Variants in ARMC2 observed in about 807,000 individuals in gnomAD.
ARMC2 encodes the protein armadillo repeat containing 2.
In ARMC2, 67 loss-of-function variants were observed where a neutral mutation model predicts 90.3. The ratio of observed to expected loss-of-function variants is 0.74; its 90% CI spans 0.61 to 0.91. The LOEUF (loss-of-function observed/expected upper bound fraction) is 0.91. ARMC2 is among the 40% of genes least tolerant of loss of function. The pLI is 0.00. For missense variants in ARMC2, 920 were observed against 1,030.9 expected (o/e 0.89, Z 1.47); for synonymous variants, 393 against 393.0 (o/e 1.00, Z 0.00).
intron 10 of ARMC2, among the ~76,000 whole-genome samples, chr6:108,923,531 G>A (rs568658610): frequency 2.6e-5 from 4 of 151,230 alleles, no homozygotes; most frequent in African/African-American, 9.7e-5. Flanking sequence ...GAATTCAAAA[G>A]TAGGAGCAAA....
chr6:108,941,705 G>C (rs1324302452), intron 12 of ARMC2, among the ~76,000 whole-genome samples: 2 of 152,094 alleles, frequency 1.3e-5, no homozygotes, highest in Non-Finnish European at 2.9e-5. Flanking sequence ...GTAAATTCCC[G>C]GTTCTTCAGT....
intron 5 of ARMC2, among the ~76,000 whole-genome samples, chr6:108,889,335 G>A (rs188107960): frequency 4.0e-5 from 6 of 151,612 alleles, no homozygotes; most frequent in Admixed American, 3.9e-4. Context: ...TAGTAGAGAT[G>A]GAGTTTCACC....
intron 5 of ARMC2, 104 bp downstream of exon 5, chr6:108,876,454 T>A: frequency 8.4e-7 from 1 of 1,186,130 alleles, no homozygotes. Flanking sequence ...CTCTTTTATG[T>A]AAGCAAATTT....
the ARMC2 span, among the ~76,000 whole-genome samples, chr6:109,021,684 C>T: frequency 2.6e-5 from 4 of 152,128 alleles, no homozygotes; most frequent in South Asian, 2.1e-4. Flanking sequence ...TCAAGTGATC[C>T]GCCCGCCTTG....
intron 6 of ARMC2, among the ~76,000 whole-genome samples, chr6:108,895,248 A>C (rs916848203): frequency 4.6e-5 from 7 of 150,726 alleles, no homozygotes; most frequent in African/African-American, 1.7e-4. Context: ...GGATCACTTG[A>C]GGTCAGGAGT....
chr6:108,966,794 C>T (rs1191455713), intron 17 of ARMC2, among the ~76,000 whole-genome samples: 1 of 152,120 alleles, frequency 6.6e-6, no homozygotes. Flanking sequence ...CTAAAAACAC[C>T]TTCCTGGCCC....
At chr6:108,905,189 T>G (rs994594201) in intron 8 of ARMC2, among the ~76,000 whole-genome samples, 2 of 152,228 alleles carry the variant, frequency 1.3e-5, no homozygotes, top group African/African-American at 4.8e-5. Context: ...TTACAGAATT[T>G]AAAATCTTAC....
In ARMC2 at chr6:108,953,153, T is replaced by C; in HGVS notation, c.1717T>C (p.Phe573Leu). ...IQTLLSLFQTFHQLDLHSQKP... is the reference protein window; with the variant it reads ...IQTLLSLFQTLHQLDLHSQKP... ...AACTCTGCTGTCATTATTCCAGACG[T>C]TCCATCAGCTGGATCTGCATTCCCA... Residue 573 changes from phenylalanine to leucine, a missense_variant, in exon 13 of 18, where the codon TTC (phenylalanine) becomes CTC (leucine). Transcript: ENST00000392644. 1 of 1,614,074 alleles carries C rather than the reference T, an allele frequency of 6.2e-7. No individual in the cohort carries two copies. The highest frequency in any genetic ancestry group is 8.5e-7 in the Non-Finnish European group (1 of 1,179,902).
intron 10 of ARMC2, among the ~76,000 whole-genome samples, chr6:108,913,275 A>G (rs1258758007): frequency 6.6e-6 from 1 of 152,220 alleles, no homozygotes; most frequent in Non-Finnish European, 1.5e-5. Flanking sequence ...GTGTTTGTCA[A>G]TTAATGAGGA....
At chr6:108,950,495 C>A (rs1777104076) in intron 12 of ARMC2, among the ~76,000 whole-genome samples, 1 of 152,112 alleles carries the variant, frequency 6.6e-6, no homozygotes, top group African/African-American at 2.4e-5. Flanking sequence ...GAGCAGGAGG[C>A]CATTATCCTT....
intron 10 of ARMC2, among the ~76,000 whole-genome samples, chr6:108,922,738 G>C (rs1225833198): frequency 2.6e-5 from 4 of 152,170 alleles, no homozygotes; most frequent in Non-Finnish European, 4.4e-5. Flanking sequence ...GTCTCCAGGT[G>C]TTTTCCCTGA....
Position 108,899,650 on chromosome 6 carries a change from T to A in ARMC2, c.749-44T>A, listed in dbSNP as rs775543368. 6 of 1,463,568 alleles carry A rather than the reference T, an allele frequency of 4.1e-6. No individual in the cohort carries two copies. The Admixed American group carries it at 1.1e-4, about 26-fold the overall frequency. The allele number at this position is 1,463,568 out of a possible 1,614,324, so 90.7% of individuals were successfully genotyped here. A position where few individuals can be genotyped will look rare whatever the true frequency, so the allele number is the denominator to read the frequency against. On this transcript the variant is annotated intron_variant, in intron 6 of 17. Transcript: ENST00000392644. ...GCTTTTGACCATGCTTCATGACAAC[T>A]CCTTTTTCATAGCTTTTTCTCCTGC...
the ARMC2 span, among the ~76,000 whole-genome samples, chr6:109,013,565 G>A: frequency 6.6e-6 from 1 of 152,196 alleles, no homozygotes; most frequent in Non-Finnish European, 1.5e-5. Context: ...AGAAAAAGCA[G>A]TAATTAGGTT....
the ARMC2 span, chr6:108,993,019 A>C: frequency 1.6e-6 from 1 of 627,796 alleles, no homozygotes; most frequent in African/African-American, 1.8e-5. Context: ...ATATCAACCA[A>C]AGTAGTCTTA....
chr6:108,973,758 C>A lies in ARMC2; in HGVS notation c.*244C>A. On this transcript the variant is annotated 3_prime_UTR_variant, in exon 18 of 18. Coordinates refer to ENST00000392644, the MANE Select transcript of ARMC2 (RefSeq NM_032131.6). ...TGTAAGATGAAAATATGTGCATTTTCAAGTAAATGACTTTTTCTTCTATTC... is the reference window on the plus strand; with the variant it reads ...TGTAAGATGAAAATATGTGCATTTTAAAGTAAATGACTTTTTCTTCTATTC... The A allele has an allele frequency of 2.9e-6, 1 of 345,150 alleles. No homozygotes were observed. The highest frequency in any genetic ancestry group is 5.2e-6 in the Non-Finnish European group (1 of 190,920). The allele number at this position is 345,150 out of a possible 1,614,324, so 21.4% of individuals were successfully genotyped here. A position where few individuals can be genotyped will look rare whatever the true frequency, so the allele number is the denominator to read the frequency against.
chr6:108,863,137 G>T lies in ARMC2; in HGVS notation c.291+4866G>T, dbSNP rs548435382. ...GAAACACTCTGATTTGTAGGGTTTT[G>T]TTTGTTTGTTTGTTTTGTTTTTTCT... On this transcript the variant is annotated intron_variant, in intron 3 of 17. Coordinates refer to ENST00000392644, the MANE Select transcript of ARMC2 (RefSeq NM_032131.6). Among the ~76,000 whole-genome samples, 621 of 152,168 alleles carry T rather than the reference G, an allele frequency of 4.1e-3. 2 individuals are homozygous for T. Among genetic ancestry groups the T allele is most frequent in the African/African-American group, 0.014 (582 of 41,534 alleles).
the ARMC2 span, chr6:109,002,372 C>T: frequency 6.3e-7 from 1 of 1,586,284 alleles, no homozygotes; most frequent in Admixed American, 1.7e-5. Context: ...CCATCTCAGG[C>T]CTTTGGCAGT....
At position 108,910,958 on chromosome 6, in the gene ARMC2, G is replaced by T. The variant is rs994905924; in HGVS notation, c.1083G>T (p.Arg361Ser). ...GCAAACTTATATTTAAAATTAGCAG[G>T]AATGAGAAGAATGATTCTTTGATTC... The part of the protein sequence containing the change: ...NVCKLIFKIS[R>S]NEKNDSLIQN... The change falls in exon 9 of 18, where the codon AGG (arginine) becomes AGT (serine). Residue 361 changes from arginine (R) to serine (S), a missense_variant. Arg to Ser is a moderately radical substitution (Grantham distance 110). Coordinates refer to ENST00000392644, the MANE Select transcript of ARMC2 (RefSeq NM_032131.6). 1.3e-6 allele frequency: 2 copies of T among 1,583,148 alleles called. No homozygotes were observed. The highest frequency in any genetic ancestry group is 2.7e-5 in the African/African-American group (2 of 74,380).
chr6:108,912,200 C>T, intron 9 of ARMC2, 135 bp from the exon 10 acceptor site: 1 of 677,070 alleles, frequency 1.5e-6, no homozygotes, highest in Non-Finnish European at 2.4e-6. Context: ...CTATATAACT[C>T]TTAACAAGCA....
Sources: gnomAD v4.1 joint callset for allele counts (sites outside exome capture counted in the v4.1 genomes callset) on GRCh38, gnomAD v4.1.1 for gene constraint, MANE v1.5 for transcripts, NCBI Gene and HGNC (gene_info 2026-07-23, HGNC 2026-07-21) for gene names.